Variants in IL1R1 observed in about 807,000 individuals in gnomAD.
IL1R1 encodes interleukin 1 receptor type 1, also known as interleukin-1 receptor type 1.
In IL1R1, 22 loss-of-function variants were observed where a neutral mutation model predicts 50.2. The ratio of observed to expected loss-of-function variants is 0.44; its 90% CI spans 0.31 to 0.63. The LOEUF is 0.63. Ranked by LOEUF, IL1R1 falls within the 20% of genes least tolerant of loss-of-function variation. The probability of loss-of-function intolerance (pLI) is 0.07; values close to 1 mark genes in which losing one functional copy is unlikely to be tolerated. For synonymous variants in IL1R1, 251 were observed against 236.7 expected (o/e 1.06, Z -0.55); for missense variants, 509 against 676.2 (o/e 0.75, Z 2.74).
chr2:102,146,628 T>C (rs1683145918), intron 1 of IL1R1, among the ~76,000 whole-genome samples: 1 of 152,220 alleles, frequency 6.6e-6, no homozygotes, highest in Admixed American at 6.5e-5. Flanking sequence ...CTCTCAATTT[T>C]CACAGTGATT....
intron 9 of IL1R1, among the ~76,000 whole-genome samples, chr2:102,174,298 T>G (rs931023272): frequency 6.6e-6 from 1 of 152,236 alleles, no homozygotes; most frequent in Non-Finnish European, 1.5e-5. Flanking sequence ...AACTTTTCCC[T>G]GTTTTACTGT....
At position 102,137,175 on chromosome 2, in the gene IL1R1, G is replaced by T. The variant is rs528349578; in HGVS notation, c.-83-16766G>T. On this transcript the variant is annotated intron_variant, in intron 1 of 10. Transcript: ENST00000409329. Reference sequence around the variant, plus strand: ...GAGGATAGGTGTTGTTTAATTCTGAGACACCTTGCATGCTAGACTGAAGTT... The same window carrying T: ...GAGGATAGGTGTTGTTTAATTCTGATACACCTTGCATGCTAGACTGAAGTT... 7.2e-4 allele frequency among the ~76,000 whole-genome samples: 110 copies of T among 152,258 alleles called. 1 individual carries two copies. Among genetic ancestry groups the T allele is most frequent in the African/African-American group, 2.6e-3 (106 of 41,556 alleles).
chr2:102,169,895 G>A (rs1685523890), intron 7 of IL1R1, among the ~76,000 whole-genome samples: 2 of 152,130 alleles, frequency 1.3e-5, no homozygotes, highest in South Asian at 2.1e-4. Context: ...CAGTACCACA[G>A]TTATCTTTTA....
In IL1R1 at chr2:102,178,274, G is replaced by C. The variant is rs192030899; in HGVS notation, c.*1515G>C. ...CAGAGATGGTGGTGAGCACATCTGG[G>C]AGGCTGGTCTCCCTCCAGCTGGAAT... On this transcript the variant is annotated 3_prime_UTR_variant, in exon 12 of 12. Transcript: ENST00000410023. 2.0e-5 allele frequency: 3 copies of C among 152,454 alleles called. No homozygotes were observed. The highest frequency in any genetic ancestry group is 6.5e-5 in the Admixed American group (1 of 15,296). The allele number at this position is 152,454 out of a possible 1,614,324, so 9.4% of individuals were successfully genotyped here.
rs1311609149 is a variant in IL1R1 at position 102,142,824 on chromosome 2, G to C, written c.-280G>C. 1 of 147,804 alleles carries C rather than the reference G, an allele frequency of 6.8e-6. No individual in the cohort carries two copies. The highest frequency in any genetic ancestry group is 1.5e-5 in the Non-Finnish European group (1 of 66,510). The allele number at this position is 147,804 out of a possible 1,614,324, so 9.2% of individuals were successfully genotyped here. ...CGGAGCGCGCGGCGCCGGCCGGGAGGAGCCGGAGAGCGGCCGGGCCGGGCG... is the reference window on the plus strand; with the variant it reads ...CGGAGCGCGCGGCGCCGGCCGGGAGCAGCCGGAGAGCGGCCGGGCCGGGCG... On this transcript the variant is annotated 5_prime_UTR_variant, in exon 1 of 12. Transcript: ENST00000410023.
intron 1 of IL1R1, among the ~76,000 whole-genome samples, chr2:102,153,312 G>C (rs1683867022): frequency 6.6e-6 from 1 of 152,190 alleles, no homozygotes; most frequent in African/African-American, 2.4e-5. Context: ...GCACCCCGGT[G>C]TCTAGCAAAG....
At chr2:102,126,017 G>A (rs929440173) in intron 1 of IL1R1, among the ~76,000 whole-genome samples, 2 of 152,208 alleles carry the variant, frequency 1.3e-5, no homozygotes, top group African/African-American at 4.8e-5. Flanking sequence ...TTGAGGGACT[G>A]ATTAGAAGGT....
At chr2:102,083,423 T>C (rs528093189) in intron 1 of IL1R1, among the ~76,000 whole-genome samples, 1 of 152,242 alleles carries the variant, frequency 6.6e-6, no homozygotes, top group South Asian at 2.1e-4. Context: ...AGTAATATTG[T>C]TCCCTTGTGT....
intron 3 of IL1R1, among the ~76,000 whole-genome samples, chr2:102,164,374 G>T (rs1684986409): frequency 6.6e-6 from 1 of 151,926 alleles, no homozygotes; most frequent in East Asian, 1.9e-4. Context: ...TCTCTCCTTT[G>T]TTTTCTGATG....
At chr2:102,081,714 G>C (rs1679215728) in intron 1 of IL1R1, among the ~76,000 whole-genome samples, 1 of 152,204 alleles carries the variant, frequency 6.6e-6, no homozygotes, top group Non-Finnish European at 1.5e-5. Context: ...CTGAATATCA[G>C]AGAAACACAT....
intron 1 of IL1R1, among the ~76,000 whole-genome samples, chr2:102,089,618 C>T (rs1000447167): frequency 2.6e-5 from 4 of 152,152 alleles, no homozygotes; most frequent in African/African-American, 7.2e-5. Flanking sequence ...AAAACCCCCA[C>T]AGTATCTGTG....
intron 1 of IL1R1, among the ~76,000 whole-genome samples, chr2:102,113,126 C>G (rs549359479): frequency 1.8e-4 from 28 of 152,336 alleles, no homozygotes; most frequent in Non-Finnish European, 3.2e-4. Context: ...TACAGCAGCC[C>G]AGGCTAAGAC....
intron 5 of IL1R1, 142 bp from the exon 6 acceptor site, chr2:102,165,971 C>G (rs1457520487): frequency 4.7e-6 from 3 of 637,104 alleles, no homozygotes; most frequent in Non-Finnish European, 8.0e-6. Flanking sequence ...AGTATTAAAA[C>G]TTACTATATG....
intron 3 of IL1R1, among the ~76,000 whole-genome samples, chr2:102,159,991 A>AT (rs1684568149): frequency 6.6e-6 from 1 of 152,024 alleles, no homozygotes; most frequent in Non-Finnish European, 1.5e-5. Flanking sequence ...GATTTTTGAA[A>AT]TTTTTTGCCA....
intron 2 of IL1R1, among the ~76,000 whole-genome samples, chr2:102,155,240 T>C (rs1684067751): frequency 6.6e-6 from 1 of 152,266 alleles, no homozygotes; most frequent in Admixed American, 6.5e-5. Context: ...GGCACTGTTC[T>C]AAGCCCTTTG....
In IL1R1 at chr2:102,168,434, C is replaced by T. The variant is rs528020439; in HGVS notation, c.656-164C>T. Among the ~76,000 whole-genome samples the T allele has an allele frequency of 8.5e-5, 13 of 152,348 alleles. No individual in the cohort carries two copies. The South Asian group carries it at 2.5e-3, about 29-fold the overall frequency. ...CAGTGTGCTGTGGCCTCTGCCTCAG[C>T]TTTCTTCCTTCACTTTCTGCCTCCT... On this transcript the variant is annotated intron_variant, in intron 6 of 11. Coordinates refer to ENST00000410023, the MANE Select transcript of IL1R1 (RefSeq NM_000877.4).
chr2:102,131,308 T>C (rs1479192560), intron 1 of IL1R1, among the ~76,000 whole-genome samples: 1 of 152,158 alleles, frequency 6.6e-6, no homozygotes, highest in Non-Finnish European at 1.5e-5. Flanking sequence ...ATTCAGCATC[T>C]AACAAGTTAA....
intron 1 of IL1R1, among the ~76,000 whole-genome samples, chr2:102,080,276 C>T (rs1409913820): frequency 6.6e-6 from 1 of 152,128 alleles, no homozygotes; most frequent in East Asian, 1.9e-4. Flanking sequence ...AAAGTACTCT[C>T]TTAAGAAAGT....
chr2:102,099,118 T>C lies in IL1R1; in HGVS notation c.-84+28585T>C, dbSNP rs79589701. On this transcript the variant is annotated intron_variant, in intron 1 of 11. Coordinates refer to the IL1R1 transcript ENST00000409929. ...AGAAATATACATCGAGGCATTGTGA[T>C]AGAGTAAAAGAGAAGAAAAAGGAGT... Among the ~76,000 whole-genome samples the C allele has an allele frequency of 8.0e-3, 1,221 of 152,276 alleles. 16 individuals carry two copies. The highest frequency in any genetic ancestry group is 0.029 in the African/African-American group (1,184 of 41,540).
Sources: allele counts gnomAD v4.1 joint callset (sites outside exome capture counted in the v4.1 genomes callset), GRCh38; gene constraint gnomAD v4.1.1; transcripts MANE v1.5; gene names NCBI Gene and HGNC (gene_info 2026-07-23, HGNC 2026-07-21).